Variants in TIAM1 observed in about 807,000 individuals in gnomAD.
TIAM1 encodes TIAM Rac1 associated GEF 1.
A neutral mutation model predicts 163.5 loss-of-function variants in TIAM1; 65 were observed. The observed-to-expected ratio is 0.40, with a 90% confidence interval of 0.33 to 0.49. The LOEUF is 0.49. Among genes scored for constraint, TIAM1 ranks in the 20% least tolerant of loss-of-function variants. TIAM1 has a pLI of 0.77. For missense variants in TIAM1, 1,789 were observed against 2,044.7 expected (o/e 0.87, Z 2.41); for synonymous variants, 833 against 810.1 (o/e 1.03, Z -0.48).
rs113406153 is a variant in TIAM1, at chr21:31,412,345, T to C, written c.-369+51638A>G. ...GGCACAATGTATGTTATTTGGGCCA[T>C]TGGTACTCCATAACAGCAGTCCCCA... On this transcript the variant is annotated intron_variant, in intron 2 of 28. Transcript: ENST00000286827. Among the ~76,000 whole-genome samples the C allele has an allele frequency of 2.4e-3, 372 of 152,244 alleles. 1 individual carries two copies. Among genetic ancestry groups the C allele is most frequent in the African/African-American group, 8.6e-3 (356 of 41,532 alleles).
At chr21:31,198,778 C>A (rs968312806) in intron 12 of TIAM1, among the ~76,000 whole-genome samples, 1 of 152,100 alleles carries the variant, frequency 6.6e-6, no homozygotes, top group African/African-American at 2.4e-5. Context: ...ATACTACTTC[C>A]TAGTTTTCTT....
intron 6 of TIAM1, among the ~76,000 whole-genome samples, chr21:31,233,972 C>T (rs986110550): frequency 6.6e-5 from 10 of 152,188 alleles, no homozygotes; most frequent in African/African-American, 2.4e-4. Context: ...TAATCGTCAA[C>T]CGGAGTCTCT....
rs139502317 is a variant in TIAM1 at position 31,266,319 on chromosome 21, C to T, written c.654G>A (p.Ala218=). ...CEEARGMETR[A]SPRQLSTCQR... ...GACAGGTGCTGAGCTGCCGCGGACTCGCCCGCGTTTCCATCCCCCGAGCCT... is the reference window on the plus strand; with the variant it reads ...GACAGGTGCTGAGCTGCCGCGGACTTGCCCGCGTTTCCATCCCCCGAGCCT... Residue 218 remains alanine, a synonymous_variant, in exon 4 of 28, where the codon GCG becomes GCA. Coordinates refer to ENST00000541036, the MANE Select transcript of TIAM1 (RefSeq NM_001353694.2). The T allele has an allele frequency of 1.4e-4, 218 of 1,614,236 alleles. No homozygotes were observed. Among genetic ancestry groups the T allele is most frequent in the Middle Eastern group, 3.3e-4 (2 of 6,062 alleles).
intron 2 of TIAM1, among the ~76,000 whole-genome samples, chr21:31,399,322 G>A (rs1004548095): frequency 1.3e-5 from 2 of 151,512 alleles, no homozygotes; most frequent in African/African-American, 2.4e-5. Context: ...TAAATACTTC[G>A]TGCCATTTCA....
At chr21:31,277,636 C>G (rs1313604266) in intron 2 of TIAM1, among the ~76,000 whole-genome samples, 1 of 152,162 alleles carries the variant, frequency 6.6e-6, no homozygotes, top group Non-Finnish European at 1.5e-5. Context: ...CATGAATAAT[C>G]CACCCCGTTT....
At chr21:31,413,709 C>T (rs746632012) in intron 2 of TIAM1, among the ~76,000 whole-genome samples, 4 of 152,194 alleles carry the variant, frequency 2.6e-5, no homozygotes, top group African/African-American at 7.2e-5. Flanking sequence ...ATCTAGCATT[C>T]GCCAGGCCCC....
chr21:31,307,436 G>T (rs572741947), intron 2 of TIAM1, among the ~76,000 whole-genome samples: 2 of 152,042 alleles, frequency 1.3e-5, no homozygotes, highest in South Asian at 4.1e-4. Context: ...TCCAGAACAC[G>T]GCCAGAACTA....
At position 31,146,787 on chromosome 21, in the gene TIAM1, A is replaced by T. The variant is rs570125589; in HGVS notation, c.3475+108T>A. The T allele has an allele frequency of 4.0e-5, 31 of 781,352 alleles. No homozygotes were observed. The Admixed American group carries it at 5.2e-4, about 13-fold the overall frequency. The allele number at this position is 781,352 out of a possible 1,614,324, so 48.4% of individuals were successfully genotyped here. On this transcript the variant is annotated intron_variant, in intron 20 of 27. Coordinates refer to ENST00000541036, the MANE Select transcript of TIAM1 (RefSeq NM_001353694.2). ...ATATCAGTGGCTTGCTGGAACATCT[A>T]TCTGGCAACCAATGACTCTTAGATT...
At chr21:31,393,590 T>C (rs1328483438) in intron 2 of TIAM1, among the ~76,000 whole-genome samples, 2 of 152,190 alleles carry the variant, frequency 1.3e-5, no homozygotes. Context: ...CCACCACCAC[T>C]GAGAACCATG....
intron 11 of TIAM1, among the ~76,000 whole-genome samples, chr21:31,207,885 C>T (rs969836273): frequency 3.3e-5 from 5 of 152,248 alleles, no homozygotes; most frequent in Admixed American, 1.3e-4. Flanking sequence ...CCACCGTGCC[C>T]GGCATAAACT....
intron 10 of TIAM1, among the ~76,000 whole-genome samples, chr21:31,210,754 G>GAAAGAAAGAAAGA (rs2086819146): frequency 1.1e-5 from 1 of 90,220 alleles, no homozygotes; most frequent in Non-Finnish European, 2.3e-5. Flanking sequence ...AAGGGAGAAA[G>GAAAGAAAGAAAGA]AAAGAAAGAA....
At chr21:31,226,042 G>A (rs1172433254) in intron 6 of TIAM1, 92 bp from the exon 7 acceptor site, 15 of 1,116,786 alleles carry the variant, frequency 1.3e-5, no homozygotes, top group Non-Finnish European at 1.7e-5. Flanking sequence ...CAATGCCTGG[G>A]AGTCGAGGTG....
At position 31,421,491 on chromosome 21, in the gene TIAM1, C is replaced by T. The variant is rs954013966; in HGVS notation, c.-369+42492G>A. Among the ~76,000 whole-genome samples the T allele has an allele frequency of 3.3e-5, 5 of 152,198 alleles. No homozygotes were observed. The South Asian group carries it at 1.0e-3, about 32-fold the overall frequency. On this transcript the variant is annotated intron_variant, in intron 2 of 28. Coordinates refer to the TIAM1 transcript ENST00000286827. ...CCGCCTCCTGTCAGATCAGCGGTGA[C>T]ATCAGATTCTCATAGGAGCATGAAC... is the stretch of plus-strand genomic sequence containing the variant.
chr21:31,399,707 A>C (rs967912081), intron 2 of TIAM1, among the ~76,000 whole-genome samples: 1 of 152,226 alleles, frequency 6.6e-6, no homozygotes, highest in Non-Finnish European at 1.5e-5. Context: ...TCAATATGAC[A>C]TTTAGCATTA....
chr21:31,498,302 G>A (rs559676784), intron 1 of TIAM1, among the ~76,000 whole-genome samples: 10 of 152,328 alleles, frequency 6.6e-5, no homozygotes, highest in African/African-American at 2.2e-4. Flanking sequence ...GACTCACCAC[G>A]TTAAACTTCA....
intron 2 of TIAM1, among the ~76,000 whole-genome samples, chr21:31,305,422 T>TAAA (rs35619472): frequency 2.3e-5 from 3 of 132,808 alleles, no homozygotes; most frequent in African/African-American, 8.1e-5. Flanking sequence ...GAAATAAAAA[T>TAAA]AAAAAAAAAA....
chr21:31,234,501 C>G lies in TIAM1; in HGVS notation c.1585-8551G>C, dbSNP rs147454608. On this transcript the variant is annotated intron_variant, in intron 6 of 27. Coordinates refer to ENST00000541036, the MANE Select transcript of TIAM1 (RefSeq NM_001353694.2). ...TCACTATGAAGGATCAGAACACCAGCAAGGTGCAGTGGCTTAAACCTGTAA... is the reference window on the plus strand; with the variant it reads ...TCACTATGAAGGATCAGAACACCAGGAAGGTGCAGTGGCTTAAACCTGTAA... Among the ~76,000 whole-genome samples, 433 of 152,094 alleles carry G rather than the reference C, an allele frequency of 2.8e-3. 5 individuals are homozygous for G. The highest frequency in any genetic ancestry group is 0.01 in the African/African-American group (424 of 41,496).
At chr21:31,345,459 T>C (rs1380062208), upstream of TIAM1, among the ~76,000 whole-genome samples, 1 of 148,722 alleles carries the variant, frequency 6.7e-6, no homozygotes, top group Admixed American at 6.7e-5. Context: ...ATATATTTTA[T>C]ATATATTCAT....
chr21:31,258,829 A>C (rs1470686369), intron 4 of TIAM1, among the ~76,000 whole-genome samples: 5 of 133,206 alleles, frequency 3.8e-5, no homozygotes, highest in African/African-American at 8.1e-5. Flanking sequence ...AAAAAAAAAA[A>C]CCAGAAAGAT....
Sources: gnomAD v4.1 joint callset for allele counts (sites outside exome capture counted in the v4.1 genomes callset) on GRCh38, gnomAD v4.1.1 for gene constraint, MANE v1.5 for transcripts, NCBI Gene and HGNC (gene_info 2026-07-23, HGNC 2026-07-21) for gene names.